Variants in PTPRR observed in about 807,000 individuals in gnomAD.
The protein encoded by PTPRR is protein tyrosine phosphatase receptor type R.
Under a neutral mutation model 77.2 loss-of-function variants are expected in PTPRR, and 38 were observed. The observed-to-expected ratio is 0.49, with a 90% CI of 0.38 to 0.65. PTPRR has a LOEUF of 0.65. PTPRR is among the 30% of genes least tolerant of loss of function. PTPRR has a pLI of 0.00. For missense variants in PTPRR, 744 were observed against 799.2 expected (o/e 0.93, Z 0.83); for synonymous variants, 299 against 283.1 (o/e 1.06, Z -0.57).
chr12:70,640,443 C>T (rs1185663315), intron 13 of PTPRR, among the ~76,000 whole-genome samples: 2 of 152,122 alleles, frequency 1.3e-5, no homozygotes, highest in Non-Finnish European at 2.9e-5. Context: ...GTGATGGAAT[C>T]ACAGGCTTGA....
chr12:70,638,211 A>G lies in PTPRR; in HGVS notation c.*973T>C, dbSNP rs940610887. The G allele has an allele frequency of 2.0e-5, 3 of 152,550 alleles. No homozygotes were observed. Among genetic ancestry groups the G allele is most frequent in the Non-Finnish European group, 2.9e-5 (2 of 68,010 alleles). The allele number at this position is 152,550 out of a possible 1,614,324, so 9.4% of individuals were successfully genotyped here. A position where few individuals can be genotyped will look rare whatever the true frequency, so the allele number is the denominator to read the frequency against. On this transcript the variant is annotated 3_prime_UTR_variant, in exon 14 of 14. Transcript: ENST00000283228. Reference sequence around the variant, plus strand: ...TTTTTTTTGTCTCTTGAAGATTGAAAGCTTTCAGAAATGTAAGGACATACA... The same window carrying G: ...TTTTTTTTGTCTCTTGAAGATTGAAGGCTTTCAGAAATGTAAGGACATACA...
rs1459331290 is a variant in PTPRR at position 70,783,878 on chromosome 12, G to T, written c.358-19100C>A. 4.4e-5 allele frequency among the ~76,000 whole-genome samples: 6 copies of T among 136,082 alleles called. 1 individual carries two copies. Among genetic ancestry groups the T allele is most frequent in the African/African-American group, 1.6e-4 (6 of 37,476 alleles). The allele number at this position is 136,082 out of a possible 152,430, so 89.3% of individuals were successfully genotyped here. On this transcript the variant is annotated intron_variant, in intron 2 of 13. Transcript: ENST00000283228. The stretch of plus-strand genomic sequence containing the variant: ...GTGGGGGGGACGGGGGGGGGGGGCG[G>T]GGGGCGGGGGTTGGCACGTCAGCAC...
intron 2 of PTPRR, among the ~76,000 whole-genome samples, chr12:70,856,048 T>C (rs1222015040): frequency 6.6e-6 from 1 of 152,126 alleles, no homozygotes; most frequent in African/African-American, 2.4e-5. Flanking sequence ...TCAAGGACTG[T>C]TTTAGAATAA....
intron 6 of PTPRR, among the ~76,000 whole-genome samples, chr12:70,737,487 TATCTATCTATC>T (rs1244656356): frequency 2.7e-4 from 6 of 22,026 alleles, no homozygotes; most frequent in African/African-American, 1.1e-3. Flanking sequence ...ATTTAATGAA[TATCTATCTATC>T]TATCTATCTA....
intron 2 of PTPRR, among the ~76,000 whole-genome samples, chr12:70,816,628 A>C (rs1039834391): frequency 6.6e-6 from 1 of 152,058 alleles, no homozygotes; most frequent in African/African-American, 2.4e-5. Context: ...TGCATTAGAG[A>C]TATAAAATTT....
intron 5 of PTPRR, among the ~76,000 whole-genome samples, chr12:70,753,450 A>G (rs1242974438): frequency 6.6e-6 from 1 of 152,180 alleles, no homozygotes; most frequent in Non-Finnish European, 1.5e-5. Flanking sequence ...TAATTATTAT[A>G]TTACATCTTG....
intron 10 of PTPRR, among the ~76,000 whole-genome samples, chr12:70,675,653 C>CT (rs1430072610): frequency 4.6e-5 from 7 of 151,852 alleles, no homozygotes; most frequent in Non-Finnish European, 1.0e-4. Context: ...TATTTGAGTA[C>CT]TTTTTTTCTG....
At chr12:70,783,156 A>T (rs565033052) in intron 2 of PTPRR, among the ~76,000 whole-genome samples, 9 of 152,250 alleles carry the variant, frequency 5.9e-5, no homozygotes, top group African/African-American at 2.2e-4. Flanking sequence ...TATGCAGACA[A>T]GTGAAGGGTG....
intron 6 of PTPRR, among the ~76,000 whole-genome samples, chr12:70,736,511 A>G (rs1889866542): frequency 6.6e-6 from 1 of 152,028 alleles, no homozygotes; most frequent in African/African-American, 2.4e-5. Context: ...TTCGCATTCT[A>G]TTTGTCACCC....
chr12:70,840,311 C>A (rs564093142), intron 2 of PTPRR, among the ~76,000 whole-genome samples: 1 of 152,252 alleles, frequency 6.6e-6, no homozygotes, highest in South Asian at 2.1e-4. Context: ...GCTCACACTG[C>A]ATTATTCTGA....
At position 70,684,756 on chromosome 12, in the gene PTPRR, G is replaced by T; in HGVS notation, c.1307C>A (p.Pro436Gln). Reference protein sequence around the residue: ...PNPLSRVCLRPKNVTDSLSTY... With the variant: ...PNPLSRVCLRQKNVTDSLSTY... ...GCTCAATGAATCGGTTACATTTTTTGGTCTTAAACACACTCTGCTGAGGGG... is the reference window on the plus strand; with the variant it reads ...GCTCAATGAATCGGTTACATTTTTTTGTCTTAAACACACTCTGCTGAGGGG... Residue 436 changes from proline to glutamine, a missense_variant, in exon 9 of 14, where the codon CCA becomes CAA. This residue lies in a region of PTPRR where 570 missense variants were observed against 573.2 expected (regional missense o/e 0.99). Coordinates refer to ENST00000283228, the MANE Select transcript of PTPRR (RefSeq NM_002849.4). The T allele has an allele frequency of 1.2e-6, 2 of 1,605,746 alleles. No individual in the cohort carries two copies. Among genetic ancestry groups the T allele is most frequent in the Non-Finnish European group, 1.7e-6 (2 of 1,174,468 alleles).
At chr12:70,767,097 C>T (rs1483445073) in intron 2 of PTPRR, among the ~76,000 whole-genome samples, 1 of 152,016 alleles carries the variant, frequency 6.6e-6, no homozygotes, top group African/African-American at 2.4e-5. Flanking sequence ...TAGGAAGAAA[C>T]TACATCAACT....
At chr12:70,672,943 T>C in intron 10 of PTPRR, 1 of 1,447,782 alleles carries the variant, frequency 6.9e-7, no homozygotes, top group Non-Finnish European at 9.2e-7. Flanking sequence ...GAATGCCAGG[T>C]GTGGGCAGGT....
At chr12:70,883,892 G>A (rs1893190858) in intron 2 of PTPRR, among the ~76,000 whole-genome samples, 1 of 152,118 alleles carries the variant, frequency 6.6e-6, no homozygotes, top group South Asian at 2.1e-4. Context: ...TCTCTGTGTT[G>A]GTCCTCTTTC....
At chr12:70,707,043 C>T (rs1368690212) in intron 6 of PTPRR, among the ~76,000 whole-genome samples, 3 of 152,042 alleles carry the variant, frequency 2.0e-5, no homozygotes, top group Non-Finnish European at 2.9e-5. Flanking sequence ...CACTGATGAA[C>T]ATTTGAGGGA....
chr12:70,809,447 T>C (rs1488141872), intron 2 of PTPRR, among the ~76,000 whole-genome samples: 1 of 152,184 alleles, frequency 6.6e-6, no homozygotes, highest in African/African-American at 2.4e-5. Context: ...GCTGAATGCA[T>C]TTCTAATAAA....
At chr12:70,826,418 C>T (rs994870611) in intron 2 of PTPRR, among the ~76,000 whole-genome samples, 1 of 152,156 alleles carries the variant, frequency 6.6e-6, no homozygotes, top group East Asian at 1.9e-4. Context: ...TGCTAATGAG[C>T]ACTGCTGCCT....
rs143300189 is a variant in PTPRR at position 70,829,438 on chromosome 12, G to A, written c.357+63241C>T. On this transcript the variant is annotated intron_variant, in intron 2 of 13. Transcript: ENST00000283228. ...CAGGCTATTGCAAACCACTGTGTGA[G>A]ATGATGAAGCATCTGTGAATATAAC... 1.2e-4 allele frequency among the ~76,000 whole-genome samples: 18 copies of A among 152,256 alleles called. No individual in the cohort carries two copies. The East Asian group carries it at 3.3e-3, about 28-fold the overall frequency.
intron 2 of PTPRR, among the ~76,000 whole-genome samples, chr12:70,789,768 G>T (rs1044074683): frequency 6.6e-6 from 1 of 152,072 alleles, no homozygotes; most frequent in Non-Finnish European, 1.5e-5. Flanking sequence ...CTCTAGGAAG[G>T]TTACAATAAA....
Sources: allele counts gnomAD v4.1 joint callset (sites outside exome capture counted in the v4.1 genomes callset), GRCh38; gene constraint gnomAD v4.1.1; regional missense constraint gnomAD v4.1.1; transcripts MANE v1.5; gene names NCBI Gene and HGNC (gene_info 2026-07-23, HGNC 2026-07-21).